UNC13C: variants seen among roughly 807,000 people sequenced by gnomAD.
UNC13C encodes the protein unc-13 homolog C.
In UNC13C, 174 loss-of-function variants were observed where a neutral mutation model predicts 245.4. The observed-to-expected ratio is 0.71, with a 90% CI of 0.63 to 0.80. The LOEUF is 0.80. UNC13C is among the 30% of genes least tolerant of loss of function. UNC13C has a pLI of 0.00. For synonymous variants in UNC13C, 992 were observed against 895.1 expected (o/e 1.11, Z -1.93); for missense variants, 2,829 against 2,602.9 (o/e 1.09, Z -1.89).
At chr15:54,054,192 C>T (rs1478404733) in intron 2 of UNC13C, among the ~76,000 whole-genome samples, 1 of 152,166 alleles carries the variant, frequency 6.6e-6, no homozygotes. Flanking sequence ...CTTTGAGGAA[C>T]CTCCAAACTG....
intron 2 of UNC13C, among the ~76,000 whole-genome samples, chr15:54,025,348 G>A (rs1453556973): frequency 6.6e-6 from 1 of 152,154 alleles, no homozygotes; most frequent in East Asian, 1.9e-4. Flanking sequence ...AACCCTAGAA[G>A]GTGTGGAGCT....
At chr15:54,400,552 A>G (rs2040160360) in intron 18 of UNC13C, among the ~76,000 whole-genome samples, 1 of 152,088 alleles carries the variant, frequency 6.6e-6, no homozygotes, top group African/African-American at 2.4e-5. Flanking sequence ...TTCATAAGTG[A>G]CTGTGTGTAT....
At chr15:53,880,289 T>C in the UNC13C span, among the ~76,000 whole-genome samples, 1 of 152,158 alleles carries the variant, frequency 6.6e-6, no homozygotes, top group Admixed American at 6.6e-5. Flanking sequence ...CTAAAACAAC[T>C]ACATTATAAA....
chr15:54,474,549 C>A (rs1176140721), intron 19 of UNC13C, among the ~76,000 whole-genome samples: 1 of 151,652 alleles, frequency 6.6e-6, no homozygotes, highest in Non-Finnish European at 1.5e-5. Context: ...TTTTGTTTTG[C>A]TGTTTACTTG....
chr15:54,014,545 C>G lies in UNC13C; in HGVS notation c.1642C>G (p.Arg548Gly), dbSNP rs371410172. The G allele has an allele frequency of 6.2e-7, 1 of 1,613,778 alleles. No homozygotes were observed. Among genetic ancestry groups the G allele is most frequent in the African/African-American group, 1.3e-5 (1 of 75,032 alleles). Residue 548 changes from arginine (R) to glycine (G), a missense_variant, in exon 2 of 33, where the codon CGT becomes GGT. Transcript: ENST00000260323. ...QSDFFTAKLSRSESDFSKLCQ... is the reference protein window; with the variant it reads ...QSDFFTAKLSGSESDFSKLCQ... ...TGATTTTTTCACTGCTAAACTTAGT[C>G]GTTCTGAATCAGATTTTTCCAAATT...
At chr15:54,633,146 C>T (rs1901487527), downstream of UNC13C, 1 of 151,528 alleles carries the variant, frequency 6.6e-6, no homozygotes, top group Non-Finnish European at 1.5e-5. Flanking sequence ...ACCTGGGCAA[C>T]AAGAGCAAAA....
the UNC13C span, among the ~76,000 whole-genome samples, chr15:53,888,460 G>C: frequency 2.0e-5 from 3 of 152,092 alleles, no homozygotes; most frequent in African/African-American, 7.2e-5. Flanking sequence ...CCCTTTGTCA[G>C]ATGGATATAT....
the UNC13C span, among the ~76,000 whole-genome samples, chr15:53,910,597 T>G: frequency 0.57 from 82,626 of 143,964 alleles, 27,419 homozygotes; most frequent in Middle Eastern, 0.66. Flanking sequence ...ACAGAGGGGA[T>G]CCAGGATACA....
rs148978527 is a variant in UNC13C, at chr15:54,199,887, A to G, written c.3072-35143A>G. The stretch of plus-strand genomic sequence containing the variant: ...AAATGGCCTAAATGTTCTACTTAAA[A>G]GATACAGAATGGCTGAATAGATGAA... On this transcript the variant is annotated intron_variant, in intron 4 of 32. Transcript: ENST00000260323. 4.3e-3 allele frequency among the ~76,000 whole-genome samples: 653 copies of G among 152,252 alleles called. 8 individuals are homozygous for G. The highest frequency in any genetic ancestry group is 0.015 in the African/African-American group (635 of 41,562).
intron 17 of UNC13C, among the ~76,000 whole-genome samples, chr15:54,389,611 C>T (rs2039910679): frequency 6.6e-6 from 1 of 152,126 alleles, no homozygotes; most frequent in African/African-American, 2.4e-5. Flanking sequence ...TAGAGTAGAA[C>T]AAACGTTGGA....
rs1428241919 is a variant in UNC13C, at chr15:54,068,981, A to G, written c.2983+53095A>G. On this transcript the variant is annotated intron_variant, in intron 2 of 32. Transcript: ENST00000260323. Reference sequence around the variant, plus strand: ...TAAGTCATATTAAAAAGTTCATTAGACTTACTTTGTATTACCTAGCACATC... The same window carrying G: ...TAAGTCATATTAAAAAGTTCATTAGGCTTACTTTGTATTACCTAGCACATC... Among the ~76,000 whole-genome samples the G allele has an allele frequency of 2.0e-5, 3 of 152,176 alleles. No individual in the cohort carries two copies. The East Asian group carries it at 5.8e-4, about 29-fold the overall frequency.
chr15:54,138,424 T>G (rs12898398), intron 2 of UNC13C, among the ~76,000 whole-genome samples: 55,490 of 151,588 alleles, frequency 0.37, 10,181 homozygotes, highest in Admixed American at 0.39. Flanking sequence ...TATTTCTATA[T>G]ATAACTGTTT....
intron 11 of UNC13C, among the ~76,000 whole-genome samples, chr15:54,295,108 C>G (rs776071081): frequency 6.6e-6 from 1 of 152,066 alleles, no homozygotes; most frequent in African/African-American, 2.4e-5. Context: ...ATTTTTACCT[C>G]TGCTATAATG....
intron 28 of UNC13C, among the ~76,000 whole-genome samples, chr15:54,551,863 G>A (rs1263293960): frequency 6.6e-6 from 1 of 151,614 alleles, no homozygotes. Flanking sequence ...AACTCCAGCT[G>A]GCATGAAGAA....
Position 54,013,995 on chromosome 15 carries a change from A to T in UNC13C, c.1092A>T (p.Gly364=). ...AIKIEFAQRI[G]HQRDCPNAKP... ...AAATTGAATTTGCTCAGAGGATAGGACACCAGAGAGACTGCCCAAATGCAA... is the reference window on the plus strand; with the variant it reads ...AAATTGAATTTGCTCAGAGGATAGGTCACCAGAGAGACTGCCCAAATGCAA... The change falls in exon 2 of 33, where the codon GGA becomes GGT. Residue 364 remains glycine (G), a synonymous_variant. Coordinates refer to ENST00000260323, the MANE Select transcript of UNC13C (RefSeq NM_001080534.3). 6.2e-7 allele frequency: 1 copy of T among 1,613,810 alleles called. No homozygotes were observed. The highest frequency in any genetic ancestry group is 1.1e-5 in the South Asian group (1 of 91,076).
At chr15:54,123,893 T>A (rs916312700) in intron 2 of UNC13C, among the ~76,000 whole-genome samples, 2 of 152,162 alleles carry the variant, frequency 1.3e-5, no homozygotes, top group Non-Finnish European at 2.9e-5. Context: ...TGCTAATGTG[T>A]TTTTTATCTT....
intron 2 of UNC13C, among the ~76,000 whole-genome samples, chr15:54,102,190 T>G (rs1900199563): frequency 6.6e-6 from 1 of 151,766 alleles, no homozygotes; most frequent in African/African-American, 2.4e-5. Context: ...AACCAAAGTA[T>G]TATAGCTTGG....
At chr15:54,151,387 T>C (rs1446029989) in intron 4 of UNC13C, among the ~76,000 whole-genome samples, 1 of 152,124 alleles carries the variant, frequency 6.6e-6, no homozygotes, top group African/African-American at 2.4e-5. Context: ...ATTTTACTCA[T>C]TATATGAAAA....
intron 17 of UNC13C, among the ~76,000 whole-genome samples, chr15:54,370,141 C>T (rs112652712): frequency 0.047 from 7,134 of 152,218 alleles, 249 homozygotes; most frequent in Admixed American, 0.11. Flanking sequence ...TTAACTACTT[C>T]CACCTCTTTC....
Sources: gnomAD v4.1 joint callset for allele counts (sites outside exome capture counted in the v4.1 genomes callset) on GRCh38, gnomAD v4.1.1 for gene constraint, MANE v1.5 for transcripts, NCBI Gene and HGNC (gene_info 2026-07-23, HGNC 2026-07-21) for gene names.